Variants in ATP9A observed in about 807,000 individuals in gnomAD.
ATP9A encodes probable phospholipid-transporting ATPase IIA.
In ATP9A, 52 loss-of-function variants were observed where a neutral mutation model predicts 144.1. The ratio of observed to expected loss-of-function variants is 0.36; its 90% CI spans 0.29 to 0.45. ATP9A has a LOEUF of 0.45. ATP9A is among the 20% of genes least tolerant of loss of function. The pLI is 1.00. For synonymous variants in ATP9A, 582 were observed against 557.4 expected (o/e 1.04, Z -0.62); for missense variants, 947 against 1,392.7 (o/e 0.68, Z 5.09).
intron 13 of ATP9A, among the ~76,000 whole-genome samples, chr20:51,661,401 T>C (rs2077409973): frequency 6.6e-6 from 1 of 151,990 alleles, no homozygotes; most frequent in South Asian, 2.1e-4. Flanking sequence ...TCTCACTCTG[T>C]TGCCCAGGCT....
At chr20:51,643,834 C>T (rs889908655) in intron 14 of ATP9A, among the ~76,000 whole-genome samples, 1 of 152,050 alleles carries the variant, frequency 6.6e-6, no homozygotes, top group East Asian at 1.9e-4. Flanking sequence ...AGTAATGATT[C>T]GCATATATAA....
intron 24 of ATP9A, 31 bp from the exon 25 acceptor site, chr20:51,608,657 T>C (rs1351577435): frequency 1.4e-6 from 2 of 1,419,440 alleles, no homozygotes; most frequent in Non-Finnish European, 2.0e-6. Context: ...AGGTAAGACC[T>C]GGCTGACGCG....
chr20:51,626,121 C>T (rs535060051), intron 17 of ATP9A, among the ~76,000 whole-genome samples: 2 of 152,312 alleles, frequency 1.3e-5, no homozygotes, highest in Admixed American at 6.5e-5. Context: ...CCTCAGGGAA[C>T]ACACAATCTA....
At chr20:51,650,521 G>A (rs2077359456) in intron 14 of ATP9A, among the ~76,000 whole-genome samples, 1 of 149,994 alleles carries the variant, frequency 6.7e-6, no homozygotes, top group African/African-American at 2.5e-5. Context: ...GTGACAGAGT[G>A]AGACTCCGTC....
Position 51,694,046 on chromosome 20 carries a change from G to T in ATP9A, c.604C>A (p.Leu202Ile). Residue 202 changes from leucine to isoleucine, a missense_variant, in exon 7 of 28, where the codon CTT becomes ATT. Around this residue, in one of 2 missense-constraint regions of ATP9A, gnomAD observed 770 missense variants for 1,047.9 expected, o/e 0.73. Coordinates refer to ENST00000338821, the MANE Select transcript of ATP9A (RefSeq NM_006045.3). ...AGCCTCTGCGTGCAGGCCACGGGAAGCCGCAGCTTCCAGTCCGTCTCCCCA... is the reference window on the plus strand; with the variant it reads ...AGCCTCTGCGTGCAGGCCACGGGAATCCGCAGCTTCCAGTCCGTCTCCCCA... The part of the protein sequence containing the change: ...LDGETDWKLR[L>I]PVACTQRLPT... The T allele has an allele frequency of 6.2e-7, 1 of 1,614,072 alleles. No individual in the cohort carries two copies. Among genetic ancestry groups the T allele is most frequent in the South Asian group, 1.1e-5 (1 of 91,082 alleles).
intron 14 of ATP9A, among the ~76,000 whole-genome samples, chr20:51,639,977 C>G (rs1276563370): frequency 1.3e-5 from 2 of 151,906 alleles, no homozygotes; most frequent in African/African-American, 4.8e-5. Context: ...TCCCAGCTAC[C>G]CAGGAGGCTG....
intron 14 of ATP9A, among the ~76,000 whole-genome samples, chr20:51,639,821 C>G (rs992253683): frequency 6.6e-6 from 1 of 152,204 alleles, no homozygotes; most frequent in Non-Finnish European, 1.5e-5. Flanking sequence ...TGCAGTGGCT[C>G]AGGCCTGTAA....
chr20:51,710,163 T>A (rs1652260744), intron 4 of ATP9A, among the ~76,000 whole-genome samples: 1 of 151,808 alleles, frequency 6.6e-6, no homozygotes, highest in African/African-American at 2.4e-5. Flanking sequence ...ATTAGCTGGG[T>A]GTAGTGGCAT....
At chr20:51,696,260 G>A in intron 5 of ATP9A, 116 bp from the exon 6 acceptor site, 2 of 733,062 alleles carry the variant, frequency 2.7e-6, no homozygotes, top group Admixed American at 2.5e-5. Flanking sequence ...AGGGGGGACT[G>A]AAACTCACAG....
chr20:51,630,438 C>A (rs1004398208), intron 15 of ATP9A, among the ~76,000 whole-genome samples: 1 of 152,142 alleles, frequency 6.6e-6, no homozygotes, highest in African/African-American at 2.4e-5. Flanking sequence ...TGTGGTGGCT[C>A]ACGCCTGTAG....
intron 14 of ATP9A, among the ~76,000 whole-genome samples, chr20:51,656,172 T>G (rs1377036871): frequency 6.6e-6 from 1 of 151,682 alleles, no homozygotes; most frequent in African/African-American, 2.4e-5. Flanking sequence ...GTATAGAATT[T>G]CCTTTGGGGT....
At chr20:51,618,135 A>T (rs113886505) in intron 21 of ATP9A, among the ~76,000 whole-genome samples, 26 of 151,552 alleles carry the variant, frequency 1.7e-4, no homozygotes, top group African/African-American at 5.8e-4. Flanking sequence ...CAGGAGAATC[A>T]CTTGAACCCG....
intron 9 of ATP9A, among the ~76,000 whole-genome samples, chr20:51,679,256 G>A (rs778949874): frequency 6.6e-6 from 1 of 152,116 alleles, no homozygotes; most frequent in South Asian, 2.1e-4. Flanking sequence ...CCTGGGAGGC[G>A]GAGGTTGCAG....
At chr20:51,730,056 T>C (rs1055053435) in intron 1 of ATP9A, 78 bp from the exon 2 acceptor site, 7 of 1,366,190 alleles carry the variant, frequency 5.1e-6, no homozygotes, top group South Asian at 3.9e-5. Flanking sequence ...TCTTCGCAGA[T>C]TGCTTTTCTC....
intron 15 of ATP9A, among the ~76,000 whole-genome samples, chr20:51,636,864 C>A (rs1461147992): frequency 2.6e-5 from 4 of 152,208 alleles, no homozygotes; most frequent in Non-Finnish European, 5.9e-5. Flanking sequence ...CCAAGGTGGG[C>A]GGATTGCTTG....
intron 4 of ATP9A, 84 bp from the exon 5 acceptor site, chr20:51,697,566 C>T (rs1384087542): frequency 5.7e-6 from 7 of 1,227,868 alleles, no homozygotes; most frequent in Non-Finnish European, 8.2e-6. Context: ...AGCCTGCAAA[C>T]ACACAATACA....
chr20:51,730,245 G>T (rs1358486555), intron 1 of ATP9A, among the ~76,000 whole-genome samples: 1 of 152,294 alleles, frequency 6.6e-6, no homozygotes, highest in African/African-American at 2.4e-5. Context: ...GAGGTGGGCA[G>T]ACCACAAGGT....
chr20:51,765,679 A>C lies in ATP9A; in HGVS notation c.68+2623T>G, dbSNP rs1601153264. ...ACAGAATTAGATTAGTTCCAGGCCA[A>C]GCACGGTGGCTCACGTCTGTAATCC... is the stretch of plus-strand genomic sequence containing the variant. On this transcript the variant is annotated intron_variant, in intron 1 of 27. Transcript: ENST00000338821. Among the ~76,000 whole-genome samples, 3 of 141,016 alleles carry C rather than the reference A, an allele frequency of 2.1e-5. No individual in the cohort carries two copies. The South Asian group carries it at 6.8e-4, about 32-fold the overall frequency. The allele number at this position is 141,016 out of a possible 152,430, so 92.5% of individuals were successfully genotyped here. A position where few individuals can be genotyped will look rare whatever the true frequency, so the allele number is the denominator to read the frequency against.
At chr20:51,638,121 A>ATATATATATATATCTATCTATCTATC (rs2077302889) in intron 15 of ATP9A, among the ~76,000 whole-genome samples, 1 of 103,004 alleles carries the variant, frequency 9.7e-6, no homozygotes, top group African/African-American at 4.1e-5. Flanking sequence ...ATATATATAT[A>ATATATATATATATCTATCTATCTATC]TATCTCATAG....
Sources: allele counts gnomAD v4.1 joint callset (sites outside exome capture counted in the v4.1 genomes callset), GRCh38; gene constraint gnomAD v4.1.1; regional missense constraint gnomAD v4.1.1; transcripts MANE v1.5; gene names NCBI Gene and HGNC (gene_info 2026-07-23, HGNC 2026-07-21).